The following CNKSR2 variants were observed in gnomAD, a reference collection of about 807,000 sequenced individuals.
The protein encoded by CNKSR2 is connector enhancer of kinase suppressor of Ras 2.
Under a neutral mutation model 84.4 loss-of-function variants are expected in CNKSR2, and 14 were observed. The observed-to-expected ratio is 0.17, with a 90% confidence interval of 0.11 to 0.26. The LOEUF (loss-of-function observed/expected upper bound fraction) is 0.26. Ranked by LOEUF, CNKSR2 falls within the 10% of genes least tolerant of loss-of-function variation. The pLI is 1.00. For missense variants in CNKSR2, 485 were observed against 771.2 expected (o/e 0.63, Z 4.40); for synonymous variants, 275 against 277.9 (o/e 0.99, Z 0.10).
At chrX:21,628,202 A>G (rs1569282781) in intron 20 of CNKSR2, among the ~76,000 whole-genome samples, 1 of 112,187 alleles carries the variant, frequency 8.9e-6, no homozygotes, top group Non-Finnish European at 1.9e-5. Context: ...CACTGATACA[A>G]GAGGTGGGTT....
intron 5 of CNKSR2, among the ~76,000 whole-genome samples, chrX:21,475,909 A>G (rs1326122235): frequency 9.0e-6 from 1 of 111,364 alleles, no homozygotes; most frequent in East Asian, 2.8e-4. Context: ...CTAAACCAAA[A>G]TGCTCCAATG....
intron 20 of CNKSR2, among the ~76,000 whole-genome samples, chrX:21,617,397 T>A (rs1281072620): frequency 9.0e-6 from 1 of 111,663 alleles, no homozygotes; most frequent in Non-Finnish European, 1.9e-5. Flanking sequence ...GATGGTAGAT[T>A]ATGATTTAAT....
In CNKSR2 at chrX:21,563,356, T is replaced by C; in HGVS notation, c.1512T>C (p.Asn504=). 1 of 1,210,114 alleles carries C rather than the reference T, an allele frequency of 8.3e-7. No individual in the cohort carries two copies. The highest frequency in any genetic ancestry group is 1.1e-6 in the Non-Finnish European group (1 of 894,274). The change falls in exon 13 of 22, where the codon AAT becomes AAC. Residue 504 remains asparagine (N), a synonymous_variant. Transcript: ENST00000379510. ...CAAAAAAGAAGGGTGATAAGAGTAATAGCCCAACTCACTATTCATTGCTAC... is the reference window on the plus strand; with the variant it reads ...CAAAAAAGAAGGGTGATAAGAGTAACAGCCCAACTCACTATTCATTGCTAC... The part of the protein sequence containing the change: ...KKSKKKGDKS[N]SPTHYSLLPS...
At chrX:21,506,055 A>G (rs2091609050) in intron 8 of CNKSR2, 1 of 111,080 alleles carries the variant, frequency 9.0e-6, no homozygotes, top group Non-Finnish European at 1.9e-5. Flanking sequence ...TATTTATCAT[A>G]TAATTCCATA....
intron 11 of CNKSR2, among the ~76,000 whole-genome samples, chrX:21,541,949 T>G (rs1601923775): frequency 8.9e-6 from 1 of 111,767 alleles, no homozygotes; most frequent in East Asian, 2.8e-4. Context: ...AAAATTACAT[T>G]CCTCGTTCTA....
At chrX:21,625,260 T>C (rs2092618228) in intron 20 of CNKSR2, among the ~76,000 whole-genome samples, 2 of 112,536 alleles carry the variant, frequency 1.8e-5, no homozygotes, top group African/African-American at 6.4e-5. Flanking sequence ...TAACATGGCA[T>C]TTTAAAATGT....
chrX:21,602,761 G>C (rs1391065171), intron 18 of CNKSR2, among the ~76,000 whole-genome samples: 1 of 111,425 alleles, frequency 9.0e-6, no homozygotes, highest in Non-Finnish European at 1.9e-5. Context: ...TATGGTAAGA[G>C]TACTGAAAAA....
At chrX:21,638,061 A>G (rs2092679800) in intron 20 of CNKSR2, among the ~76,000 whole-genome samples, 1 of 111,914 alleles carries the variant, frequency 8.9e-6, no homozygotes, top group Non-Finnish European at 1.9e-5. Context: ...AGAATTAGGA[A>G]TCTTTGTAAG....
chrX:21,540,433 A>G (rs1484493165), intron 11 of CNKSR2, among the ~76,000 whole-genome samples: 1 of 111,669 alleles, frequency 9.0e-6, no homozygotes, highest in Non-Finnish European at 1.9e-5. Context: ...TTAACCTATA[A>G]AATAGTCCCA....
intron 8 of CNKSR2, chrX:21,506,618 A>G (rs1018448212): frequency 2.7e-5 from 3 of 111,656 alleles, no homozygotes; most frequent in African/African-American, 9.7e-5. Flanking sequence ...GTCCTTATAT[A>G]AAGGAGATAA....
chrX:21,609,646 T>C (rs1490551569), intron 20 of CNKSR2, 29 bp downstream of exon 20: 1 of 1,150,655 alleles, frequency 8.7e-7, no homozygotes, highest in South Asian at 2.0e-5. Flanking sequence ...ATTCTTAGCC[T>C]GTGTACACAA....
At chrX:21,445,479 G>GA (rs2090840471) in intron 4 of CNKSR2, among the ~76,000 whole-genome samples, 1 of 110,335 alleles carries the variant, frequency 9.1e-6, no homozygotes, top group African/African-American at 3.3e-5. Flanking sequence ...CCAGCTTTTT[G>GA]AAAATATGCA....
At chrX:21,471,991 G>A (rs1204073265) in intron 5 of CNKSR2, among the ~76,000 whole-genome samples, 5 of 111,810 alleles carry the variant, frequency 4.5e-5, no homozygotes, top group Non-Finnish European at 9.4e-5. Flanking sequence ...GTGGAACTAA[G>A]GGTCACAAAT....
At chrX:21,504,665 C>A (rs1023371060) in intron 8 of CNKSR2, 4 of 284,882 alleles carry the variant, frequency 1.4e-5, no homozygotes, top group African/African-American at 1.1e-4. Context: ...TATGGTATAT[C>A]TTCAAGATGT....
intron 12 of CNKSR2, among the ~76,000 whole-genome samples, chrX:21,561,806 TTATTTGAAAGGTAA>T (rs1204081298): frequency 9.0e-6 from 1 of 110,913 alleles, no homozygotes; most frequent in Admixed American, 9.6e-5. Flanking sequence ...TATCTGATTA[TTATTTGAAAGGTAA>T]TATTTGGAAC....
chrX:21,554,270 G>A (rs926343529), intron 11 of CNKSR2, among the ~76,000 whole-genome samples: 1 of 111,883 alleles, frequency 8.9e-6, no homozygotes, highest in East Asian at 2.8e-4. Flanking sequence ...CCCATTTAAA[G>A]TATATATCAC....
rs183775141 is a variant in CNKSR2, at chrX:21,642,222, A to T, written c.2693-6609A>T. The T allele has an allele frequency of 2.8e-4, 209 of 750,014 alleles. No individual in the cohort carries two copies. In the African/African-American group the frequency reaches 4.6e-3, roughly 16 times the overall value. The allele number at this position is 750,014 out of a possible 1,213,427, so 61.8% of individuals were successfully genotyped here. A position where few individuals can be genotyped will look rare whatever the true frequency, so the allele number is the denominator to read the frequency against. ...TATAAAGTGTATTCAGGTGCAACAC[A>T]GAGACTGCTTTCGGTGACATTAATG... On this transcript the variant is annotated intron_variant, in intron 20 of 21. Transcript: ENST00000379510.
At chrX:21,628,045 A>T (rs754808709) in intron 20 of CNKSR2, among the ~76,000 whole-genome samples, 1 of 111,798 alleles carries the variant, frequency 8.9e-6, no homozygotes, top group Non-Finnish European at 1.9e-5. Context: ...GGGTACAGGC[A>T]TTGGATAAAT....
intron 6 of CNKSR2, chrX:21,494,289 A>T (rs2091471073): frequency 8.9e-6 from 1 of 111,822 alleles, no homozygotes; most frequent in African/African-American, 3.3e-5. Context: ...GACTCTTGTC[A>T]AACACCTTTA....
Sources: gnomAD v4.1 joint callset for allele counts (sites outside exome capture counted in the v4.1 genomes callset) on GRCh38, gnomAD v4.1.1 for gene constraint, MANE v1.5 for transcripts, NCBI Gene and HGNC (gene_info 2026-07-23, HGNC 2026-07-21) for gene names.